RNASEH1: variants seen among roughly 807,000 people sequenced by gnomAD.
The protein encoded by RNASEH1 is ribonuclease H1.
Under a neutral mutation model 34.6 loss-of-function variants are expected in RNASEH1, and 27 were observed. The observed-to-expected ratio is 0.78, with a 90% confidence interval of 0.58 to 1.08. The LOEUF (loss-of-function observed/expected upper bound fraction) is 1.08. Ranked by LOEUF, RNASEH1 falls within the 50% of genes least tolerant of loss-of-function variation. The probability of loss-of-function intolerance (pLI) is 0.00; values close to 1 mark genes in which losing one functional copy is unlikely to be tolerated. For synonymous variants in RNASEH1, 162 were observed against 138.4 expected (o/e 1.17, Z -1.20); for missense variants, 349 against 373.6 (o/e 0.93, Z 0.54).
intron 2 of RNASEH1, among the ~76,000 whole-genome samples, chr2:3,556,360 C>T (rs1660497351): frequency 6.9e-6 from 1 of 144,662 alleles, no homozygotes; most frequent in African/African-American, 2.6e-5. Context: ...GGCTGGAGTG[C>T]AGTGGTGCAA....
chr2:3,545,944 T>TAAAA (rs1465894052), intron 7 of RNASEH1, 73 bp from the exon 8 acceptor site: 1 of 1,100,938 alleles, frequency 9.1e-7, no homozygotes, highest in African/African-American at 1.5e-5. Context: ...ATTGTCATCA[T>TAAAA]AAAAAACCAT....
At position 3,552,194 on chromosome 2, in the gene RNASEH1, G is replaced by C. The variant is rs765802659; in HGVS notation, c.359C>G (p.Pro120Arg). The part of the protein sequence containing the change: ...SAEPYAKHMK[P>R]SVEPAPPVSR... Reference sequence around the variant, plus strand: ...AACTGGAGGCGCCGGCTCCACGCTCGGCTTCATGTGCTTTGCATACGGCTC... The same window carrying C: ...AACTGGAGGCGCCGGCTCCACGCTCCGCTTCATGTGCTTTGCATACGGCTC... The change falls in exon 3 of 8, where the codon CCG becomes CGG. Residue 120 changes from proline to arginine, a missense_variant. By Grantham distance (103) the Pro-to-Arg change is moderately radical. Coordinates refer to ENST00000315212, the MANE Select transcript of RNASEH1 (RefSeq NM_002936.6). 3.7e-6 allele frequency: 6 copies of C among 1,612,420 alleles called. No homozygotes were observed. The African/African-American group carries it at 6.7e-5, about 18-fold the overall frequency.
At chr2:3,551,993 A>G (rs1471792854) in intron 3 of RNASEH1, 151 bp downstream of exon 3, 2 of 618,348 alleles carry the variant, frequency 3.2e-6, no homozygotes, top group Non-Finnish European at 5.4e-6. Context: ...ATTATAAATA[A>G]TGGCCTTAGT....
intron 6 of RNASEH1, 95 bp downstream of exon 6, chr2:3,548,545 C>G (rs1028623107): frequency 1.2e-5 from 9 of 758,910 alleles, no homozygotes; most frequent in Non-Finnish European, 2.0e-5. Context: ...GTCATCCCCC[C>G]GTTCCCATTT....
At chr2:3,557,015 T>A in intron 1 of RNASEH1, 111 bp from the exon 2 acceptor site, 1 of 765,836 alleles carries the variant, frequency 1.3e-6, no homozygotes, top group South Asian at 1.6e-5. Context: ...TGAGGGAGAC[T>A]GATTCCAGGA....
At chr2:3,557,718 T>C (rs769583150) in intron 1 of RNASEH1, 8 of 494,964 alleles carry the variant, frequency 1.6e-5, no homozygotes, top group Non-Finnish European at 2.7e-5. Context: ...TACTGGCTTA[T>C]TAGAATTTGC....
chr2:3,555,702 G>A (rs527921898), intron 2 of RNASEH1, among the ~76,000 whole-genome samples: 2 of 152,212 alleles, frequency 1.3e-5, no homozygotes, highest in African/African-American at 4.8e-5. Context: ...TAACATTCAC[G>A]TAAGATCACC....
intron 4 of RNASEH1, among the ~76,000 whole-genome samples, chr2:3,549,518 T>C (rs1669079283): frequency 6.6e-6 from 1 of 152,166 alleles, no homozygotes; most frequent in South Asian, 2.1e-4. Flanking sequence ...ATTTAAAATT[T>C]GGGGTCACCA....
At chr2:3,556,329 C>G (rs1439744384) in intron 2 of RNASEH1, among the ~76,000 whole-genome samples, 1 of 130,930 alleles carries the variant, frequency 7.6e-6, no homozygotes, top group Non-Finnish European at 1.6e-5. Context: ...TTTTTTTTGA[C>G]GAGTCTTGCC....
At chr2:3,549,415 G>C (rs1669072581) in intron 4 of RNASEH1, among the ~76,000 whole-genome samples, 1 of 152,108 alleles carries the variant, frequency 6.6e-6, no homozygotes, top group East Asian at 1.9e-4. Context: ...GAAGAATGGA[G>C]AGAGTGAGAC....
In RNASEH1 at chr2:3,543,143, C is replaced by G. The variant is rs895846005; in HGVS notation, c.*2642G>C. On this transcript the variant is annotated 3_prime_UTR_variant, in exon 8 of 8. Transcript: ENST00000315212. ...ACAAGCAGCAGAGTCTCACCAATCA[C>G]ATGCTGAAGGCTCCCAAAACATGCC... Among the ~76,000 whole-genome samples, 1 of 151,986 alleles carries G rather than the reference C, an allele frequency of 6.6e-6. No homozygotes were observed. Among genetic ancestry groups the G allele is most frequent in the African/African-American group, 2.4e-5 (1 of 41,440 alleles).
chr2:3,532,220 C>T, the RNASEH1 span: 1 of 701,668 alleles, frequency 1.4e-6, no homozygotes, highest in East Asian at 2.7e-5. Flanking sequence ...ACTTTCAAGG[C>T]ATTCACTCCG....
chr2:3,547,374 C>T (rs1417033507), intron 7 of RNASEH1, among the ~76,000 whole-genome samples: 3 of 152,104 alleles, frequency 2.0e-5, no homozygotes, highest in African/African-American at 7.2e-5. Flanking sequence ...CAGAGTCTCC[C>T]CATGTTATCC....
chr2:3,550,142 TAAAAAA>T (rs1162099553), intron 4 of RNASEH1: 118 of 241,128 alleles, frequency 4.9e-4, no homozygotes, highest in East Asian at 1.2e-3. Context: ...GACCGTGTCT[TAAAAAA>T]AAAAAAAAAA....
At position 3,550,135 on chromosome 2, in the gene RNASEH1, C is replaced by T. The variant is rs114645635; in HGVS notation, c.509+238G>A. The T allele has an allele frequency of 0.035, 15,228 of 429,248 alleles. 442 individuals are homozygous for T. The highest frequency in any genetic ancestry group is 0.079 in the South Asian group (3,577 of 45,156). The allele number at this position is 429,248 out of a possible 1,614,324, so 26.6% of individuals were successfully genotyped here. A position where few individuals can be genotyped will look rare whatever the true frequency, so the allele number is the denominator to read the frequency against. ...TCCATCCTGGGCAACAGTGTGAGAC[C>T]GTGTCTTAAAAAAAAAAAAAAAAAA... On this transcript the variant is annotated intron_variant, in intron 4 of 7. Transcript: ENST00000315212.
In RNASEH1 at chr2:3,550,554, A is replaced by C. The variant is rs957479947; in HGVS notation, c.410-82T>G. The C allele has an allele frequency of 6.6e-5, 69 of 1,040,028 alleles. No individual in the cohort carries two copies. The African/African-American group carries it at 9.1e-4, about 14-fold the overall frequency. 64.4% of individuals were successfully genotyped at this position (1,040,028 alleles called of 1,614,324 possible). On this transcript the variant is annotated intron_variant, in intron 3 of 7. Transcript: ENST00000315212. ...CCTCAAAAATCCACTAGGTCGACTT[A>C]GCATTTTAAACCGAGAGGGTATTTT...
intron 1 of RNASEH1, 159 bp downstream of exon 1, chr2:3,557,974 C>A: frequency 1.3e-6 from 2 of 1,494,798 alleles, no homozygotes; most frequent in South Asian, 1.3e-5. Context: ...GGAACCCCGC[C>A]GGCCGAGCAG....
At chr2:3,550,176 AG>A in intron 4 of RNASEH1, 196 bp downstream of exon 4, 3 of 539,086 alleles carry the variant, frequency 5.6e-6, no homozygotes, top group South Asian at 2.2e-5. Flanking sequence ...AAGCAAAGGA[AG>A]TAAAGCTGAG....
At chr2:3,534,217 T>C in the RNASEH1 span, 1 of 152,300 alleles carries the variant, frequency 6.6e-6, no homozygotes, top group African/African-American at 2.4e-5. Flanking sequence ...GTTGTCTGCA[T>C]AACCTTATTC....
Sources: gnomAD v4.1 joint callset for allele counts (sites outside exome capture counted in the v4.1 genomes callset) on GRCh38, gnomAD v4.1.1 for gene constraint, MANE v1.5 for transcripts, NCBI Gene and HGNC (gene_info 2026-07-23, HGNC 2026-07-21) for gene names.